UBA7: variants seen among roughly 807,000 people sequenced by gnomAD.
UBA7 encodes ubiquitin like modifier activating enzyme 7, also known as ubiquitin-like modifier-activating enzyme 7.
UBA7 carries 88 observed loss-of-function variants against 113.0 expected under a neutral mutation model. The observed-to-expected ratio is 0.78, with a 90% CI of 0.66 to 0.93. The LOEUF (loss-of-function observed/expected upper bound fraction) is 0.93. Ranked by LOEUF, UBA7 falls within the 40% of genes least tolerant of loss-of-function variation. UBA7 has a pLI of 0.00. For synonymous variants in UBA7, 459 were observed against 513.0 expected (o/e 0.89, Z 1.42); for missense variants, 1,092 against 1,266.4 (o/e 0.86, Z 2.09).
In UBA7 at chr3:49,810,074, G is replaced by T; in HGVS notation, c.1743C>A (p.Ala581=). ...ATVFMPHVTE[A]YRAPASAAAS... Reference sequence around the variant, plus strand: ...CTGCAGCTGAGGCAGGGGCTCTGTAGGCCTCAGTCACATGTGGCATGAATA... The same window carrying T: ...CTGCAGCTGAGGCAGGGGCTCTGTATGCCTCAGTCACATGTGGCATGAATA... The change falls in exon 14 of 24, where the codon GCC becomes GCA. Residue 581 remains alanine, a synonymous_variant. Transcript: ENST00000333486. This position sits in a 1 kb window ranked among gnomAD's most constrained non-coding sequence, Gnocchi z 5.6. 1 of 1,613,404 alleles carries T rather than the reference G, an allele frequency of 6.2e-7. No homozygotes were observed.
intron 21 of UBA7, chr3:49,806,431 G>T: frequency 1.8e-6 from 1 of 562,742 alleles, no homozygotes. Context: ...TGGGGGATGA[G>T]GGGGTGGTGC....
At position 49,810,645 on chromosome 3, in the gene UBA7, G is replaced by A; in HGVS notation, c.1339C>T (p.Leu447=). The A allele has an allele frequency of 2.5e-6, 4 of 1,614,128 alleles. No homozygotes were observed. The highest frequency in any genetic ancestry group is 2.2e-5 in the East Asian group (1 of 44,886). ...CCCACTAGGGCAAAGACTTTGAGCAGCTCACAACCAATGGCACCAGCGCCC... is the reference window on the plus strand; with the variant it reads ...CCCACTAGGGCAAAGACTTTGAGCAACTCACAACCAATGGCACCAGCGCCC... ...LVGAGAIGCE[L]LKVFALVGLG... is the part of the protein sequence containing the mutation. Residue 447 remains leucine (L), a synonymous_variant, in exon 12 of 24, where the codon CTG becomes TTG. Transcript: ENST00000333486. This position sits in a 1 kb window ranked among gnomAD's most constrained non-coding sequence, Gnocchi z 5.6.
At chr3:49,812,829 G>A in intron 4 of UBA7, 91 bp from the exon 5 acceptor site, 1 of 1,426,906 alleles carries the variant, frequency 7.0e-7, no homozygotes. Flanking sequence ...GCCAGAATTG[G>A]GAAAGGAATG....
chr3:49,809,623 A>G lies in UBA7; in HGVS notation c.2007T>C (p.Cys669=), dbSNP rs772077906. 17 of 1,614,084 alleles carry G rather than the reference A, an allele frequency of 1.1e-5. No homozygotes were observed. The highest frequency in any genetic ancestry group is 1.4e-5 in the Non-Finnish European group (16 of 1,180,032). ...TCCAGTGGCCAAGAGCCCACGCCAC[A>G]CAGTCTTGCCAGTTCTGTGGACGCA... ...LRVRPQNWQD[C]VAWALGHWKL... The change falls in exon 16 of 24, where the codon TGT becomes TGC. Residue 669 remains cysteine, a synonymous_variant. Coordinates refer to ENST00000333486, the MANE Select transcript of UBA7 (RefSeq NM_003335.3).
At position 49,813,588 on chromosome 3, in the gene UBA7, C is replaced by G; in HGVS notation, c.116G>C (p.Gly39Ala). The change falls in exon 2 of 24, where the codon GGC becomes GCC. Residue 39 changes from glycine to alanine, a missense_variant. By Grantham distance (60) the Gly-to-Ala change is moderately conservative. Coordinates refer to ENST00000333486, the MANE Select transcript of UBA7 (RefSeq NM_003335.3). ...RIQGARVLVS[G>A]LQGLGAEVAK... ...CACCTCGGCCCCCAGGCCCTGCAGG[C>G]CTGACACCAGGACCCTGGCTCCCTG... is the stretch of plus-strand genomic sequence containing the variant. 6.2e-7 allele frequency: 1 copy of G among 1,614,164 alleles called. No homozygotes were observed. Among genetic ancestry groups the G allele is most frequent in the Non-Finnish European group, 8.5e-7 (1 of 1,180,046 alleles).
At chr3:49,809,203 G>A (rs1469527185) in intron 17 of UBA7, 44 bp from the exon 18 acceptor site, 2 of 1,576,420 alleles carry the variant, frequency 1.3e-6, no homozygotes, top group African/African-American at 2.7e-5. Context: ...GGGTGCATGG[G>A]GTGGGGGTCA....
chr3:49,808,738 T>C (rs2081495247), intron 18 of UBA7, among the ~76,000 whole-genome samples: 1 of 152,312 alleles, frequency 6.6e-6, no homozygotes, highest in East Asian at 1.9e-4. Flanking sequence ...TTTACTTATT[T>C]ATTTTGCCAA....
At chr3:49,809,242 C>T in intron 17 of UBA7, 83 bp from the exon 18 acceptor site, 1 of 1,539,798 alleles carries the variant, frequency 6.5e-7, no homozygotes, top group Non-Finnish European at 8.8e-7. Flanking sequence ...GTTTGAGTGC[C>T]TGCCTTTGCC....
chr3:49,813,512 G>A lies in UBA7; in HGVS notation c.192C>T (p.Pro64=), dbSNP rs766700421. ...MGVGSLTLHD[P]HPTCWSDLAA... The stretch of plus-strand genomic sequence containing the variant: ...CCAGGTCGGACCAGCAGGTGGGGTG[G>A]GGATCATGCAGAGTGAGGCTGCCCA... Residue 64 remains proline (P), a synonymous_variant, in exon 2 of 24, where the codon CCC becomes CCT. Transcript: ENST00000333486. The A allele has an allele frequency of 6.2e-7, 1 of 1,613,962 alleles. No homozygotes were observed. The highest frequency in any genetic ancestry group is 2.2e-5 in the East Asian group (1 of 44,886).
intron 8 of UBA7, 127 bp from the exon 9 acceptor site, chr3:49,811,582 T>C (rs1316466251): frequency 1.5e-6 from 2 of 1,368,116 alleles, no homozygotes; most frequent in Non-Finnish European, 9.9e-7. Context: ...TGGGAAGGCC[T>C]GGCCCTGCTG....
intron 21 of UBA7, 111 bp from the exon 22 acceptor site, chr3:49,806,276 CAGGGGGT>C: frequency 1.0e-6 from 1 of 974,336 alleles, no homozygotes; most frequent in Admixed American, 2.4e-5. Flanking sequence ...AAACAGGAGC[CAGGGGGT>C]GGGGGGTGGG....
rs2081585821 is a variant in UBA7, at chr3:49,813,609, C to G, written c.95G>C (p.Gly32Ala). 1.2e-6 allele frequency: 2 copies of G among 1,614,244 alleles called. No homozygotes were observed. The highest frequency in any genetic ancestry group is 1.7e-6 in the Non-Finnish European group (2 of 1,180,054). The stretch of plus-strand genomic sequence containing the variant: ...CAGGCCTGACACCAGGACCCTGGCT[C>G]CCTGAATCCTCTGCATGGCAGGTGA... ...LGSPAMQRIQ[G>A]ARVLVSGLQG... is the part of the protein sequence containing the mutation. Residue 32 changes from glycine to alanine, a missense_variant, in exon 2 of 24, where the codon GGA becomes GCA. Around this residue, in one of 3 missense-constraint regions of UBA7, gnomAD observed 584 missense variants for 714.5 expected, o/e 0.82. Coordinates refer to ENST00000333486, the MANE Select transcript of UBA7 (RefSeq NM_003335.3).
chr3:49,808,189 A>C, intron 19 of UBA7, 77 bp from the exon 20 acceptor site: 1 of 1,572,630 alleles, frequency 6.4e-7, no homozygotes, highest in Non-Finnish European at 8.7e-7. Flanking sequence ...TCACTGCACA[A>C]GTCTCCACAC....
In UBA7 at chr3:49,812,156, G is replaced by A. The variant is rs751480579; in HGVS notation, c.745C>T (p.Arg249Cys). ...GDTTTFSRYL[R>C]GGAITEVKRP... is the part of the protein sequence containing the mutation. The stretch of plus-strand genomic sequence containing the variant: ...TTGACTTCAGTGATAGCCCCACCAC[G>A]CAAGTACCGAGAGAAAGTTGTTGTG... Residue 249 changes from arginine (R) to cysteine (C), a missense_variant, in exon 7 of 24, where the codon CGT (arginine) becomes TGT (cysteine). Transcript: ENST00000333486. 39 of 1,614,176 alleles carry A rather than the reference G, an allele frequency of 2.4e-5. 1 individual carries two copies. Among genetic ancestry groups the A allele is most frequent in the South Asian group, 1.4e-4 (13 of 91,076 alleles).
At chr3:49,806,360 A>G in intron 21 of UBA7, 195 bp from the exon 22 acceptor site, 1 of 601,914 alleles carries the variant, frequency 1.7e-6, no homozygotes, top group Non-Finnish European at 3.0e-6. Flanking sequence ...AGCACAGGAA[A>G]TGGGGCTATG....
intron 8 of UBA7, 131 bp from the exon 9 acceptor site, chr3:49,811,586 C>T (rs1575377441): frequency 7.4e-7 from 1 of 1,350,134 alleles, no homozygotes; most frequent in East Asian, 2.5e-5. Flanking sequence ...AAGGCCTGGC[C>T]CTGCTGCCAG....
chr3:49,813,525 G>A lies in UBA7; in HGVS notation c.179C>T (p.Thr60Ile). The A allele has an allele frequency of 6.2e-7, 1 of 1,614,032 alleles. No homozygotes were observed. Among genetic ancestry groups the A allele is most frequent in the South Asian group, 1.1e-5 (1 of 91,090 alleles). ...NLVLMGVGSL[T>I]LHDPHPTCWS... ...GCAGGTGGGGTGGGGATCATGCAGA[G>A]TGAGGCTGCCCACACCCATCAGAAC... is the stretch of plus-strand genomic sequence containing the variant. Residue 60 changes from threonine (T) to isoleucine (I), a missense_variant, in exon 2 of 24, where the codon ACT becomes ATT. Around this residue, in one of 3 missense-constraint regions of UBA7, gnomAD observed 584 missense variants for 714.5 expected, o/e 0.82. Transcript: ENST00000333486.
At chr3:49,805,557 T>C in intron 23 of UBA7, 120 bp from the exon 24 acceptor site, 16 of 917,388 alleles carry the variant, frequency 1.7e-5, no homozygotes, top group Non-Finnish European at 2.6e-5. Flanking sequence ...GAGCAGGAGC[T>C]GCTCAAGACA....
Position 49,812,219 on chromosome 3 carries a change from C to G in UBA7, c.695-13G>C. 1 of 1,614,106 alleles carries G rather than the reference C, an allele frequency of 6.2e-7. No individual in the cohort carries two copies. The highest frequency in any genetic ancestry group is 8.5e-7 in the Non-Finnish European group (1 of 1,179,946). On this transcript the variant is annotated splice_polypyrimidine_tract_variant and intron_variant, in intron 6 of 23. Coordinates refer to ENST00000333486, the MANE Select transcript of UBA7 (RefSeq NM_003335.3). ...AGGGACCCATCCTCTGAGGGAGTTC[C>G]AGTCTAGTCAGTAATGATCCTTGAG...
Sources: gnomAD v4.1 joint callset for allele counts (sites outside exome capture counted in the v4.1 genomes callset) on GRCh38, gnomAD v4.1.1 for gene constraint, gnomAD v4.1.1 regional missense constraint, Gnocchi (gnomAD v3.1) non-coding constraint, MANE v1.5 for transcripts, NCBI Gene and HGNC (gene_info 2026-07-23, HGNC 2026-07-21) for gene names.